The following C7orf33 variants were observed in gnomAD, a reference collection of about 807,000 sequenced individuals.
The protein encoded by C7orf33 is uncharacterized protein C7orf33.
C7orf33 carries 15 observed loss-of-function variants against 13.4 expected under a neutral mutation model. The ratio of observed to expected loss-of-function variants is 1.12; its 90% CI spans 0.75 to 1.72. The LOEUF (loss-of-function observed/expected upper bound fraction) is 1.72. C7orf33 is among the 40% of genes most tolerant of loss of function. C7orf33 has a pLI of 0.00. For missense variants in C7orf33, 187 were observed against 220.3 expected (o/e 0.85, Z 0.96); for synonymous variants, 73 against 83.2 (o/e 0.88, Z 0.67).
intron 1 of C7orf33, among the ~76,000 whole-genome samples, chr7:148,603,526 G>A (rs1295550668): frequency 6.6e-6 from 1 of 152,126 alleles, no homozygotes; most frequent in Non-Finnish European, 1.5e-5. Flanking sequence ...GAATCAAAAG[G>A]AAGAAAGGTA....
At chr7:148,611,528 C>A (rs1402304451) in intron 1 of C7orf33, among the ~76,000 whole-genome samples, 1 of 152,104 alleles carries the variant, frequency 6.6e-6, no homozygotes, top group African/African-American at 2.4e-5. Flanking sequence ...ATTTCCCCCA[C>A]CCCTTCAACT....
intron 1 of C7orf33, among the ~76,000 whole-genome samples, chr7:148,591,785 T>C (rs1269158479): frequency 6.6e-6 from 1 of 152,146 alleles, no homozygotes; most frequent in Non-Finnish European, 1.5e-5. Context: ...CTTGCCATGT[T>C]GCCCAGGCTG....
At chr7:148,606,789 G>A (rs1796476989) in intron 1 of C7orf33, among the ~76,000 whole-genome samples, 1 of 152,112 alleles carries the variant, frequency 6.6e-6, no homozygotes, top group Non-Finnish European at 1.5e-5. Context: ...ATTTCGTCAC[G>A]TTGGCCAGGC....
At chr7:148,599,753 G>C (rs1334561996) in intron 1 of C7orf33, among the ~76,000 whole-genome samples, 1 of 152,072 alleles carries the variant, frequency 6.6e-6, no homozygotes, top group African/African-American at 2.4e-5. Context: ...GATTACAGGC[G>C]TGAGCCACCA....
At chr7:148,615,061 T>C (rs1204045702) in intron 2 of C7orf33, among the ~76,000 whole-genome samples, 1 of 152,076 alleles carries the variant, frequency 6.6e-6, no homozygotes, top group East Asian at 1.9e-4. Context: ...TTTTAAAATT[T>C]TTATCTATTT....
At chr7:148,605,666 C>T (rs1796464541) in intron 1 of C7orf33, among the ~76,000 whole-genome samples, 1 of 152,186 alleles carries the variant, frequency 6.6e-6, no homozygotes, top group South Asian at 2.1e-4. Context: ...AGTGCAGAGC[C>T]CCCACCTTGA....
At position 148,590,836 on chromosome 7, in the gene C7orf33, CT is replaced by C; in HGVS notation, c.-89del. ...CTGTGTCTGAATCCTCCTACTGACC[CT>C]GGGGATCCGTGCGACTTGATCTTAG... On this transcript the variant is annotated 5_prime_UTR_variant, in exon 1 of 3. Transcript: ENST00000307003. 1 of 1,214,892 alleles carries C rather than the reference CT, an allele frequency of 8.2e-7. No homozygotes were observed. Among genetic ancestry groups the C allele is most frequent in the Middle Eastern group, 2.4e-4 (1 of 4,124 alleles). 75.3% of individuals were successfully genotyped at this position (1,214,892 alleles called of 1,614,324 possible).
chr7:148,610,183 G>T (rs895001175), intron 1 of C7orf33, among the ~76,000 whole-genome samples: 2 of 152,222 alleles, frequency 1.3e-5, no homozygotes, highest in Non-Finnish European at 2.9e-5. Flanking sequence ...AGACTTCTGT[G>T]ATGGTTAATT....
chr7:148,591,017 G>A lies in C7orf33; in HGVS notation c.92G>A (p.Gly31Glu). Residue 31 changes from glycine to glutamate, a missense_variant, in exon 1 of 3, where the codon GGG (glycine) becomes GAG (glutamate). Gly to Glu is a moderately conservative substitution (Grantham distance 98). Transcript: ENST00000307003. ...QCECEALLPSGARRRIDLRLS... is the reference protein window; with the variant it reads ...QCECEALLPSEARRRIDLRLS... ...GAATGTGAAGCCCTCCTGCCCAGTG[G>A]GGCAAGGCGCCGGATTGACCTTCGC... 6.2e-7 allele frequency: 1 copy of A among 1,614,172 alleles called. No homozygotes were observed. The highest frequency in any genetic ancestry group is 1.6e-4 in the Middle Eastern group (1 of 6,062).
chr7:148,591,057 A>G lies in C7orf33; in HGVS notation c.132A>G (p.Ala44=), dbSNP rs1206235797. 6.2e-7 allele frequency: 1 copy of G among 1,614,022 alleles called. No homozygotes were observed. Among genetic ancestry groups the G allele is most frequent in the East Asian group, 2.2e-5 (1 of 44,884 alleles). The change falls in exon 1 of 3, where the codon GCA becomes GCG. Residue 44 remains alanine (A), a synonymous_variant. Coordinates refer to ENST00000307003, the MANE Select transcript of C7orf33 (RefSeq NM_145304.4). ...RRIDLRLSGR[A]VAVWVHVRGG... is the part of the protein sequence containing the mutation. ...TTGACCTTCGCCTGAGTGGGAGGGC[A>G]GTCGCTGTTTGGGTCCACGTTAGGG...
chr7:148,601,693 T>C (rs1454515226), intron 1 of C7orf33, among the ~76,000 whole-genome samples: 3 of 152,186 alleles, frequency 2.0e-5, no homozygotes, highest in Non-Finnish European at 4.4e-5. Flanking sequence ...TTTAATTTTA[T>C]TGCAATATGG....
At chr7:148,603,740 G>T (rs1418495423) in intron 1 of C7orf33, among the ~76,000 whole-genome samples, 1 of 152,144 alleles carries the variant, frequency 6.6e-6, no homozygotes, top group African/African-American at 2.4e-5. Flanking sequence ...TAAAGAACCT[G>T]TACTTCACTG....
chr7:148,590,834 C>A lies in C7orf33; in HGVS notation c.-92C>A, dbSNP rs550203819. The A allele has an allele frequency of 3.5e-5, 41 of 1,171,138 alleles. No homozygotes were observed. In the African/African-American group the frequency reaches 6.2e-4, roughly 18 times the overall value. 72.5% of individuals were successfully genotyped at this position (1,171,138 alleles called of 1,614,324 possible). On this transcript the variant is annotated 5_prime_UTR_variant, in exon 1 of 3. Coordinates refer to ENST00000307003, the MANE Select transcript of C7orf33 (RefSeq NM_145304.4). Reference sequence around the variant, plus strand: ...GCCTGTGTCTGAATCCTCCTACTGACCCTGGGGATCCGTGCGACTTGATCT... The same window carrying A: ...GCCTGTGTCTGAATCCTCCTACTGAACCTGGGGATCCGTGCGACTTGATCT...
intron 1 of C7orf33, among the ~76,000 whole-genome samples, chr7:148,598,046 C>T (rs947785141): frequency 6.6e-5 from 10 of 152,160 alleles, no homozygotes; most frequent in East Asian, 1.9e-4. Context: ...TGAGCCACGG[C>T]GCCCAGCCTC....
chr7:148,610,024 A>C (rs923193186), intron 1 of C7orf33, among the ~76,000 whole-genome samples: 1 of 152,224 alleles, frequency 6.6e-6, no homozygotes, highest in Admixed American at 6.5e-5. Context: ...ACTGTGTAAC[A>C]TCAGCAAACT....
At chr7:148,614,323 C>G in intron 2 of C7orf33, 27 bp downstream of exon 2, 1 of 1,597,580 alleles carries the variant, frequency 6.3e-7, no homozygotes, top group Non-Finnish European at 8.6e-7. Flanking sequence ...CTTAGCACCT[C>G]CAAGTTTAAG....
intron 1 of C7orf33, among the ~76,000 whole-genome samples, chr7:148,607,419 C>T (rs537333172): frequency 6.6e-6 from 1 of 152,102 alleles, no homozygotes; most frequent in South Asian, 2.1e-4. Context: ...GTCTTCAGCT[C>T]GACAATCCTC....
At chr7:148,597,827 C>T (rs1046320891) in intron 1 of C7orf33, among the ~76,000 whole-genome samples, 1 of 152,124 alleles carries the variant, frequency 6.6e-6, no homozygotes, top group Non-Finnish European at 1.5e-5. Flanking sequence ...GTGATCTCAG[C>T]TTACTGCAAG....
chr7:148,601,154 G>A (rs762443317), intron 1 of C7orf33, among the ~76,000 whole-genome samples: 11 of 151,904 alleles, frequency 7.2e-5, no homozygotes, highest in Non-Finnish European at 1.6e-4. Context: ...AACCTTTCTT[G>A]TTGCCTAATT....
Sources: gnomAD v4.1 joint callset for allele counts (sites outside exome capture counted in the v4.1 genomes callset) on GRCh38, gnomAD v4.1.1 for gene constraint, MANE v1.5 for transcripts, NCBI Gene and HGNC (gene_info 2026-07-23, HGNC 2026-07-21) for gene names.